RBFOX3: variants seen among roughly 807,000 people sequenced by gnomAD.
RBFOX3 encodes RNA binding fox-1 homolog 3.
A neutral mutation model predicts 48.7 loss-of-function variants in RBFOX3; 17 were observed. The ratio of observed to expected loss-of-function variants is 0.35; its 90% CI spans 0.24 to 0.52. The LOEUF (loss-of-function observed/expected upper bound fraction) is 0.52, where lower values mean the gene tolerates loss of function less well. RBFOX3 is among the 20% of genes least tolerant of loss of function. The probability of loss-of-function intolerance (pLI) is 0.94; values close to 1 mark genes in which losing one functional copy is unlikely to be tolerated. For missense variants in RBFOX3, 382 were observed against 497.5 expected (o/e 0.77, Z 2.21); for synonymous variants, 212 against 209.5 (o/e 1.01, Z -0.10).
chr17:79,490,920 A>G (rs2080400256), intron 1 of RBFOX3, among the ~76,000 whole-genome samples: 1 of 149,932 alleles, frequency 6.7e-6, no homozygotes, highest in South Asian at 2.2e-4. Flanking sequence ...GTGAAGAGCC[A>G]ATAGAGAGAC....
At position 79,097,783 on chromosome 17, in the gene RBFOX3, C is replaced by G. The variant is rs766665109; in HGVS notation, c.569-38G>C. The G allele has an allele frequency of 3.6e-5, 56 of 1,547,850 alleles. 1 individual carries two copies. In the South Asian group the frequency reaches 6.5e-4, roughly 18 times the overall value. Reference sequence around the variant, plus strand: ...CACAGAGACCTAGTCACTGCCTTCCCCGACCCTTTTCCCACCAAAACGTAT... The same window carrying G: ...CACAGAGACCTAGTCACTGCCTTCCGCGACCCTTTTCCCACCAAAACGTAT... On this transcript the variant is annotated intron_variant, in intron 9 of 14. Coordinates refer to ENST00000693108, the MANE Select transcript of RBFOX3 (RefSeq NM_001350451.2).
At chr17:79,209,081 A>G (rs1401538143) in intron 4 of RBFOX3, among the ~76,000 whole-genome samples, 2 of 151,034 alleles carry the variant, frequency 1.3e-5, no homozygotes, top group Non-Finnish European at 3.0e-5. Flanking sequence ...GGCCTCCCAA[A>G]GTGCTGGGAT....
chr17:79,183,869 C>T (rs1320482222), intron 4 of RBFOX3, among the ~76,000 whole-genome samples: 1 of 151,244 alleles, frequency 6.6e-6, no homozygotes, highest in East Asian at 1.9e-4. Flanking sequence ...GGGCAGCCCT[C>T]CCTCGCGCCC....
intron 2 of RBFOX3, among the ~76,000 whole-genome samples, chr17:79,434,906 G>T (rs1229691077): frequency 6.6e-6 from 1 of 152,168 alleles, no homozygotes; most frequent in African/African-American, 2.4e-5. Flanking sequence ...AGTGCTCAAA[G>T]AATGACTGTG....
At chr17:79,101,735 C>A in intron 8 of RBFOX3, 91 bp from the exon 9 acceptor site, 1 of 1,100,910 alleles carries the variant, frequency 9.1e-7, no homozygotes, top group South Asian at 1.3e-5. Context: ...CTCCGTTAGC[C>A]CCCGGCACCC....
chr17:79,396,637 G>GA (rs1256818658), intron 2 of RBFOX3, among the ~76,000 whole-genome samples: 1 of 152,144 alleles, frequency 6.6e-6, no homozygotes, highest in African/African-American at 2.4e-5. Flanking sequence ...TCATTATCCA[G>GA]AGAAAAAAGG....
chr17:79,340,666 C>T (rs1235998147), intron 2 of RBFOX3, among the ~76,000 whole-genome samples: 3 of 152,024 alleles, frequency 2.0e-5, no homozygotes, highest in African/African-American at 4.8e-5. Context: ...CACTCAGAAA[C>T]CTGGAGACGC....
At chr17:79,331,619 C>T (rs1038338139) in intron 2 of RBFOX3, among the ~76,000 whole-genome samples, 4 of 152,200 alleles carry the variant, frequency 2.6e-5, no homozygotes, top group Non-Finnish European at 4.4e-5. Context: ...AGATTGAAGA[C>T]GGCACTCCCA....
At chr17:79,172,881 G>C (rs2049657296) in intron 4 of RBFOX3, among the ~76,000 whole-genome samples, 2 of 152,208 alleles carry the variant, frequency 1.3e-5, no homozygotes, top group South Asian at 2.1e-4. Context: ...ATGTATGATT[G>C]AAATTCATCT....
At chr17:79,150,009 TGGGGATGGGGGTTGAGGGTG>T (rs2044001476) in intron 4 of RBFOX3, among the ~76,000 whole-genome samples, 1 of 28,376 alleles carries the variant, frequency 3.5e-5, no homozygotes, top group African/African-American at 1.8e-4. Context: ...GGGTGGGGGA[TGGGGATGGGGGTTGAGGGTG>T]GGGGGTGGGG....
intron 1 of RBFOX3, among the ~76,000 whole-genome samples, chr17:79,552,844 T>C (rs1293314085): frequency 1.8e-4 from 27 of 152,236 alleles, no homozygotes; most frequent in Admixed American, 1.7e-3. Context: ...GATACATATA[T>C]ACATATGGAC....
chr17:79,479,118 G>C lies in RBFOX3; in HGVS notation c.-175+3336C>G, dbSNP rs2078403753. Among the ~76,000 whole-genome samples the C allele has an allele frequency of 1.3e-5, 2 of 152,318 alleles. No individual in the cohort carries two copies. Among genetic ancestry groups the C allele is most frequent in the South Asian group, 4.1e-4 (2 of 4,828 alleles). On this transcript the variant is annotated intron_variant, in intron 2 of 14. Coordinates refer to ENST00000693108, the MANE Select transcript of RBFOX3 (RefSeq NM_001350451.2). The surrounding 1 kb of genome is among the most constrained non-coding windows in gnomAD (Gnocchi z 5.1). ...CTCCTGCAGGCTTTTCCCTGCCCGGGTTTCTCCATCACTGTTCTCCAAGTC... is the reference window on the plus strand; with the variant it reads ...CTCCTGCAGGCTTTTCCCTGCCCGGCTTTCTCCATCACTGTTCTCCAAGTC...
chr17:79,597,658 A>T lies in RBFOX3; in HGVS notation c.-320+13168T>A, dbSNP rs1385556279. On this transcript the variant is annotated intron_variant, in intron 1 of 14. Coordinates refer to ENST00000693108, the MANE Select transcript of RBFOX3 (RefSeq NM_001350451.2). ...CCCGACACTTAGAAGGTACCGCCTGATTTCAGCCTCTGCATCCACGGTCAC... is the reference window on the plus strand; with the variant it reads ...CCCGACACTTAGAAGGTACCGCCTGTTTTCAGCCTCTGCATCCACGGTCAC... 2.0e-5 allele frequency among the ~76,000 whole-genome samples: 3 copies of T among 152,296 alleles called. No homozygotes were observed. In the East Asian group the frequency reaches 5.8e-4, roughly 29 times the overall value.
At chr17:79,294,158 C>A (rs1169108808) in intron 3 of RBFOX3, among the ~76,000 whole-genome samples, 1 of 152,224 alleles carries the variant, frequency 6.6e-6, no homozygotes, top group Non-Finnish European at 1.5e-5. Context: ...CTATTCCTCT[C>A]CAACAAGCCG....
the RBFOX3 span, among the ~76,000 whole-genome samples, chr17:79,641,092 C>T: frequency 6.6e-6 from 1 of 152,128 alleles, no homozygotes; most frequent in Non-Finnish European, 1.5e-5. Flanking sequence ...ATAAGGAACT[C>T]AAACAACTTA....
At position 79,214,498 on chromosome 17, in the gene RBFOX3, GGGA is replaced by G. The variant is rs1237943425; in HGVS notation, c.-34+21265_-34+21267del. On this transcript the variant is annotated intron_variant, in intron 4 of 14. Transcript: ENST00000693108. This position sits in a 1 kb window ranked among gnomAD's most constrained non-coding sequence, Gnocchi z 4.7. ...ACGCTGCTGCCCACCCTGGCACCCA[GGGA>G]GGAGGAGGAGAGATGGGAGAAGAGG... Among the ~76,000 whole-genome samples, 1 of 152,028 alleles carries G rather than the reference GGGA, an allele frequency of 6.6e-6. No homozygotes were observed. The highest frequency in any genetic ancestry group is 2.4e-5 in the African/African-American group (1 of 41,406).
intron 2 of RBFOX3, among the ~76,000 whole-genome samples, chr17:79,385,054 C>A (rs1176997900): frequency 6.6e-6 from 1 of 152,220 alleles, no homozygotes; most frequent in Non-Finnish European, 1.5e-5. Context: ...CATTTCCCGG[C>A]CCCTGCCAGG....
chr17:79,621,422 G>T, the RBFOX3 span, among the ~76,000 whole-genome samples: 2 of 150,808 alleles, frequency 1.3e-5, no homozygotes, highest in Admixed American at 1.3e-4. Flanking sequence ...GATACCCAGC[G>T]AGGGGGCCAT....
the RBFOX3 span, among the ~76,000 whole-genome samples, chr17:79,627,505 C>T: frequency 6.6e-6 from 1 of 152,218 alleles, no homozygotes; most frequent in Non-Finnish European, 1.5e-5. Context: ...CCCATAAGCC[C>T]TCAGGCCTGA....
Sources: allele counts gnomAD v4.1 joint callset (sites outside exome capture counted in the v4.1 genomes callset), GRCh38; gene constraint gnomAD v4.1.1; non-coding constraint Gnocchi (gnomAD v3.1); transcripts MANE v1.5; gene names NCBI Gene and HGNC (gene_info 2026-07-23, HGNC 2026-07-21).